VPS13C: variants seen among roughly 807,000 people sequenced by gnomAD.
VPS13C encodes the protein vacuolar protein sorting 13 homolog C.
VPS13C carries 358 observed loss-of-function variants against 456.8 expected under a neutral mutation model. That is an observed-to-expected ratio of 0.78 (90% CI 0.72 to 0.86). The LOEUF is 0.86. Among genes scored for constraint, VPS13C ranks in the 40% least tolerant of loss-of-function variants. The pLI is 0.00. For missense variants in VPS13C, 4,818 were observed against 4,385.4 expected, an observed-to-expected ratio of 1.10 and a Z score of -2.79; for synonymous variants, 1,578 against 1,486.7, an observed-to-expected ratio of 1.06 and a Z score of -1.41.
intron 9 of VPS13C, among the ~76,000 whole-genome samples, chr15:62,018,228 G>T (rs1253299003): frequency 3.9e-5 from 6 of 152,142 alleles, no homozygotes; most frequent in African/African-American, 9.7e-5. Context: ...CATGTCATCT[G>T]CAAACACGGA....
At chr15:62,043,130 A>T (rs1432125088) in intron 2 of VPS13C, among the ~76,000 whole-genome samples, 3 of 152,008 alleles carry the variant, frequency 2.0e-5, no homozygotes, top group African/African-American at 7.2e-5. Context: ...TTTTGTTTAA[A>T]ATTTAAAAAG....
chr15:61,891,690 C>A (rs1301302343), intron 66 of VPS13C, among the ~76,000 whole-genome samples: 2 of 152,150 alleles, frequency 1.3e-5, no homozygotes. Flanking sequence ...AGGTTTATGG[C>A]TATCACTCCT....
intron 37 of VPS13C, among the ~76,000 whole-genome samples, chr15:61,957,749 T>C (rs1194909877): frequency 6.6e-6 from 1 of 152,144 alleles, no homozygotes. Context: ...AGTATATGTA[T>C]GAGGATATTC....
chr15:61,893,063 T>C (rs1442649645), intron 66 of VPS13C, among the ~76,000 whole-genome samples: 3 of 152,024 alleles, frequency 2.0e-5, no homozygotes, highest in African/African-American at 7.2e-5. Context: ...GGGTAGAAAG[T>C]TAATTAAAGA....
chr15:61,934,373 T>G, intron 48 of VPS13C, 42 bp from the exon 49 acceptor site: 1 of 1,089,294 alleles, frequency 9.2e-7, no homozygotes, highest in Middle Eastern at 2.4e-4. Context: ...GGTACGTAAT[T>G]TTATAAATAT....
chr15:61,858,923 TC>T lies in VPS13C; in HGVS notation c.10953-2515del, dbSNP rs773227851. ...GGTCTCCTTGCCTCTGGACTGATTC[TC>T]TTCCAGTATAACATCCAAACCGCCA... On this transcript the variant is annotated intron_variant, in intron 82 of 84. Coordinates refer to ENST00000644861, the MANE Select transcript of VPS13C (RefSeq NM_020821.3). The surrounding 1 kb of genome is among the most constrained non-coding windows in gnomAD (Gnocchi z 4.4). 1.3e-3 allele frequency among the ~76,000 whole-genome samples: 192 copies of T among 152,376 alleles called. 3 individuals carry two copies. In the Middle Eastern group the frequency reaches 0.024, roughly 19 times the overall value.
chr15:61,961,300 G>A (rs1393902359), intron 35 of VPS13C, among the ~76,000 whole-genome samples: 2 of 151,632 alleles, frequency 1.3e-5, no homozygotes, highest in Middle Eastern at 3.4e-3. Flanking sequence ...GCTGAGGCAG[G>A]AGGATTGCTT....
chr15:62,053,655 C>T (rs564448852), intron 1 of VPS13C, among the ~76,000 whole-genome samples: 23 of 152,312 alleles, frequency 1.5e-4, no homozygotes, highest in Admixed American at 1.5e-3. Flanking sequence ...TACAGATAAG[C>T]AACCAATGGT....
Position 61,877,064 on chromosome 15 carries a change from G to A in VPS13C, c.10143-10C>T. 6.3e-7 allele frequency: 1 copy of A among 1,585,330 alleles called. No homozygotes were observed. Among genetic ancestry groups the A allele is most frequent in the Non-Finnish European group, 8.6e-7 (1 of 1,163,696 alleles). ...TTCATAATAAGCAAGTCTGGGAGGA[G>A]AAAAAGGAAAGATTCAAAGATACTA... On this transcript the variant is annotated splice_polypyrimidine_tract_variant and intron_variant, in intron 74 of 84. Coordinates refer to ENST00000644861, the MANE Select transcript of VPS13C (RefSeq NM_020821.3).
chr15:61,876,811 A>G (rs1171993106), intron 75 of VPS13C, among the ~76,000 whole-genome samples, 162 bp downstream of exon 75: 1 of 152,042 alleles, frequency 6.6e-6, no homozygotes, highest in Admixed American at 6.6e-5. Flanking sequence ...AGAGGGGTTG[A>G]ACTAAAGAAA....
chr15:62,046,096 C>A (rs757852356), intron 1 of VPS13C, among the ~76,000 whole-genome samples: 6 of 151,616 alleles, frequency 4.0e-5, no homozygotes, highest in Admixed American at 6.6e-5. Flanking sequence ...AATAAATTGT[C>A]GAAAACTATA....
intron 75 of VPS13C, among the ~76,000 whole-genome samples, 168 bp from the exon 76 acceptor site, chr15:61,876,013 C>T (rs1462399096): frequency 1.3e-5 from 2 of 152,008 alleles, no homozygotes; most frequent in Middle Eastern, 3.2e-3. Flanking sequence ...GTGTGCCAGG[C>T]ACTATGCTAA....
At position 61,867,099 on chromosome 15, in the gene VPS13C, G is replaced by C; in HGVS notation, c.10863+1560C>G. On this transcript the variant is annotated intron_variant, in intron 81 of 84. Transcript: ENST00000644861. The surrounding 1 kb of genome is among the most constrained non-coding windows in gnomAD (Gnocchi z 5.0). Reference sequence around the variant, plus strand: ...ATAAACCCTCTCTAAGGATTTAAAAGCAAAAGGTTGGTTTTTGAAAATAAA... The same window carrying C: ...ATAAACCCTCTCTAAGGATTTAAAACCAAAAGGTTGGTTTTTGAAAATAAA... 2.1e-6 allele frequency: 2 copies of C among 958,138 alleles called. No individual in the cohort carries two copies. The highest frequency in any genetic ancestry group is 2.5e-6 in the Non-Finnish European group (2 of 805,208). 59.4% of individuals were successfully genotyped at this position (958,138 alleles called of 1,614,324 possible). A position where few individuals can be genotyped will look rare whatever the true frequency, so the allele number is the denominator to read the frequency against.
chr15:61,919,223 T>G, intron 58 of VPS13C, 66 bp downstream of exon 58: 1 of 1,478,006 alleles, frequency 6.8e-7, no homozygotes, highest in Non-Finnish European at 9.1e-7. Flanking sequence ...TATTCCTATA[T>G]TCAGCTAAAT....
intron 16 of VPS13C, among the ~76,000 whole-genome samples, chr15:61,994,601 T>C (rs1259008216): frequency 6.6e-6 from 1 of 152,010 alleles, no homozygotes; most frequent in Non-Finnish European, 1.5e-5. Context: ...TATCTTTTTT[T>C]TTTTTTGAGA....
Position 61,910,346 on chromosome 15 carries a change from G to A in VPS13C, c.8716-41C>T, listed in dbSNP as rs143204565. On this transcript the variant is annotated intron_variant, in intron 63 of 84. Coordinates refer to ENST00000644861, the MANE Select transcript of VPS13C (RefSeq NM_020821.3). ...TTATTATCAGTCTTAAGACAATACC[G>A]TTATATAATAAATAAGACATTACCT... 883 of 1,345,490 alleles carry A rather than the reference G, an allele frequency of 6.6e-4. 4 individuals carry two copies. In the South Asian group the frequency reaches 8.2e-3, roughly 13 times the overall value. 83.3% of individuals were successfully genotyped at this position (1,345,490 alleles called of 1,614,324 possible).
chr15:61,953,093 C>T (rs893011334), intron 38 of VPS13C, among the ~76,000 whole-genome samples: 3 of 151,952 alleles, frequency 2.0e-5, no homozygotes, highest in African/African-American at 4.8e-5. Context: ...AATGATAAAA[C>T]GGATCTTAGA....
intron 67 of VPS13C, among the ~76,000 whole-genome samples, chr15:61,885,811 G>C (rs1896221682): frequency 6.6e-6 from 1 of 151,956 alleles, no homozygotes; most frequent in Non-Finnish European, 1.5e-5. Flanking sequence ...TCTTTCGCTG[G>C]TTTGAAAATA....
chr15:61,923,962 T>C (rs1398539548), intron 53 of VPS13C, among the ~76,000 whole-genome samples: 2 of 130,982 alleles, frequency 1.5e-5, no homozygotes, highest in East Asian at 4.8e-4. Flanking sequence ...GCCTCCCGGG[T>C]TCACGCCATT....
Sources: gnomAD v4.1 joint callset for allele counts (sites outside exome capture counted in the v4.1 genomes callset) on GRCh38, gnomAD v4.1.1 for gene constraint, Gnocchi (gnomAD v3.1) non-coding constraint, MANE v1.5 for transcripts, NCBI Gene and HGNC (gene_info 2026-07-23, HGNC 2026-07-21) for gene names.